ADNP: variants seen among roughly 807,000 people sequenced by gnomAD.
ADNP encodes activity-dependent neuroprotector homeobox protein.
A neutral mutation model predicts 84.9 loss-of-function variants in ADNP; 4 were observed. The ratio of observed to expected loss-of-function variants is 0.05; its 90% confidence interval spans 0.02 to 0.11. The LOEUF is 0.11. ADNP is among the 10% of genes least tolerant of loss of function. The pLI is 1.00. For synonymous variants in ADNP, 554 were observed against 468.1 expected, an observed-to-expected ratio of 1.18 and a Z score of -2.37; for missense variants, 1,132 against 1,326.0, an observed-to-expected ratio of 0.85 and a Z score of 2.27.
chr20:50,914,131 G>C (rs1484482250), intron 2 of ADNP: 1 of 768,584 alleles, frequency 1.3e-6, no homozygotes, highest in Non-Finnish European at 2.3e-6. Flanking sequence ...AGATGGTAAG[G>C]ATCATTATGA....
At chr20:50,911,192 T>C (rs1456199482) in intron 2 of ADNP, among the ~76,000 whole-genome samples, 2 of 152,240 alleles carry the variant, frequency 1.3e-5, no homozygotes, top group Non-Finnish European at 2.9e-5. Context: ...GCATGATATT[T>C]GTATCTGTGC....
intron 2 of ADNP, among the ~76,000 whole-genome samples, chr20:50,919,287 A>ACATATATATATATAT (rs776823194): frequency 0.013 from 1,620 of 127,818 alleles, 74 homozygotes; most frequent in African/African-American, 0.039. Flanking sequence ...ACATATATTT[A>ACATATATATATATAT]AGTGTATATA....
At chr20:50,913,764 T>C in intron 2 of ADNP, 3 of 435,752 alleles carry the variant, frequency 6.9e-6, no homozygotes, top group Admixed American at 5.5e-5. Context: ...GGTCTGCAAC[T>C]TGGCCTACAG....
intron 2 of ADNP, among the ~76,000 whole-genome samples, chr20:50,906,974 T>G (rs948624630): frequency 4.1e-5 from 4 of 96,670 alleles, no homozygotes; most frequent in Admixed American, 1.3e-4. Context: ...TTTTTTTTTT[T>G]TGTTTTTTTT....
chr20:50,902,145 T>C lies in ADNP; in HGVS notation c.109-36A>G, dbSNP rs1429184317. The C allele has an allele frequency of 4.1e-6, 6 of 1,475,762 alleles. No homozygotes were observed. In the Admixed American group the frequency reaches 5.1e-5, roughly 12 times the overall value. 91.4% of individuals were successfully genotyped at this position (1,475,762 alleles called of 1,614,324 possible). ...GTGAAATAAGTTTACAAAAACATAGTGGTATAAACGCTAACCCAATCTTAC... is the reference window on the plus strand; with the variant it reads ...GTGAAATAAGTTTACAAAAACATAGCGGTATAAACGCTAACCCAATCTTAC... On this transcript the variant is annotated intron_variant, in intron 4 of 5. Coordinates refer to ENST00000621696, the MANE Select transcript of ADNP (RefSeq NM_001282531.3).
chr20:50,896,778 G>A (rs1277047536), intron 5 of ADNP, among the ~76,000 whole-genome samples: 1 of 151,954 alleles, frequency 6.6e-6, no homozygotes, highest in African/African-American at 2.4e-5. Flanking sequence ...AGAAGGACCT[G>A]CCTTAGGCTT....
chr20:50,897,588 A>C (rs745520500), intron 5 of ADNP, among the ~76,000 whole-genome samples: 2 of 152,216 alleles, frequency 1.3e-5, no homozygotes, highest in Non-Finnish European at 2.9e-5. Flanking sequence ...AAGCCCAAGC[A>C]AGATTCTTAA....
Position 50,891,748 on chromosome 20 carries a change from C to A in ADNP, c.2966G>T (p.Cys989Phe). The A allele has an allele frequency of 6.2e-7, 1 of 1,614,200 alleles. No homozygotes were observed. Among genetic ancestry groups the A allele is most frequent in the Non-Finnish European group, 8.5e-7 (1 of 1,180,038 alleles). The change falls in exon 6 of 6, where the codon TGC becomes TTC. Residue 989 changes from cysteine to phenylalanine, a missense_variant. Coordinates refer to ENST00000621696, the MANE Select transcript of ADNP (RefSeq NM_001282531.3). ...QQVSDFEDNTCEMKPGTWSDE... is the reference protein window; with the variant it reads ...QQVSDFEDNTFEMKPGTWSDE... ...AGACCAGGTTCCTGGTTTCATTTCG[C>A]AGGTATTGTCCTCAAAGTCTGACAC...
rs1555808740 is a variant in ADNP at position 50,889,708 on chromosome 20, A to ATTGTT, written c.*1692_*1696dup. The ATTGTT allele has an allele frequency of 2.5e-6, 1 of 392,628 alleles. No homozygotes were observed. The highest frequency in any genetic ancestry group is 4.5e-6 in the Non-Finnish European group (1 of 223,076). 24.3% of individuals were successfully genotyped at this position (392,628 alleles called of 1,614,324 possible). On this transcript the variant is annotated 3_prime_UTR_variant, in exon 6 of 6. Transcript: ENST00000621696. ...TCCTCATGGATTGGAGTTTCCCATC[A>ATTGTT]TTGTTTTAATTGCTGGAAATGTTGG...
intron 2 of ADNP, among the ~76,000 whole-genome samples, chr20:50,915,888 A>G (rs954163249): frequency 6.6e-6 from 1 of 151,776 alleles, no homozygotes; most frequent in African/African-American, 2.4e-5. Context: ...TGAATAATGA[A>G]CATCAATTAT....
intron 1 of ADNP, among the ~76,000 whole-genome samples, chr20:50,930,460 C>A (rs1211695786): frequency 1.8e-5 from 1 of 56,030 alleles, no homozygotes; most frequent in Non-Finnish European, 3.5e-5. Context: ...GGGTGGGGGG[C>A]GGACGGGATT....
chr20:50,912,500 T>C (rs1983131937), intron 2 of ADNP, among the ~76,000 whole-genome samples: 1 of 152,164 alleles, frequency 6.6e-6, no homozygotes, highest in Non-Finnish European at 1.5e-5. Flanking sequence ...AAAGGAATCT[T>C]AGGTGAAATA....
At chr20:50,920,035 T>C (rs1983838246) in intron 2 of ADNP, among the ~76,000 whole-genome samples, 1 of 151,922 alleles carries the variant, frequency 6.6e-6, no homozygotes, top group Non-Finnish European at 1.5e-5. Flanking sequence ...TCCCAGCACT[T>C]TGGGAGGCCA....
rs1359779030 is a variant in ADNP at position 50,919,289 on chromosome 20, G to GTATATATATATATA, written c.-90+9361_-90+9362insTATATATATATATA. Among the ~76,000 whole-genome samples, 154 of 64,644 alleles carry GTATATATATATATA rather than the reference G, an allele frequency of 2.4e-3. 2 individuals are homozygous for GTATATATATATATA. The highest frequency in any genetic ancestry group is 8.2e-3 in the African/African-American group (148 of 18,110). 42.4% of individuals were successfully genotyped at this position (64,644 alleles called of 152,430 possible). On this transcript the variant is annotated intron_variant, in intron 2 of 5. Transcript: ENST00000621696. ...AGCCTGAAAAAATACATATATTTAA[G>GTATATATATATATA]TGTATATATATATATATATATATAT...
Position 50,892,516 on chromosome 20 carries a change from T to C in ADNP, c.2198A>G (p.Asp733Gly). Residue 733 changes from aspartate (D) to glycine (G), a missense_variant, in exon 6 of 6, where the codon GAT becomes GGT. Transcript: ENST00000621696. ...EFPLLKKRKL[D>G]DDSDSPSFFE... ...GAAGCTGGGTGAATCACTATCATCA[T>C]CTAACTTTCGTTTTTTCAGTAAGGG... 3 of 1,614,234 alleles carry C rather than the reference T, an allele frequency of 1.9e-6. No individual in the cohort carries two copies. Among genetic ancestry groups the C allele is most frequent in the Non-Finnish European group, 2.5e-6 (3 of 1,180,040 alleles).
chr20:50,923,470 C>T (rs1336818201), intron 2 of ADNP, among the ~76,000 whole-genome samples: 1 of 152,174 alleles, frequency 6.6e-6, no homozygotes, highest in Non-Finnish European at 1.5e-5. Flanking sequence ...CAAGTTTTCA[C>T]ACTTTCCTCA....
chr20:50,896,240 C>A (rs1052051600), intron 5 of ADNP, among the ~76,000 whole-genome samples: 1 of 151,878 alleles, frequency 6.6e-6, no homozygotes, highest in Admixed American at 6.6e-5. Context: ...CAAACAAAAA[C>A]CCCCAAAACA....
chr20:50,927,352 AGAG>A (rs1194166433), intron 2 of ADNP, among the ~76,000 whole-genome samples: 11 of 152,212 alleles, frequency 7.2e-5, no homozygotes, highest in African/African-American at 2.7e-4. Flanking sequence ...CCAAAATCAA[AGAG>A]GTTAGTTTCA....
At chr20:50,921,045 A>G (rs1210176831) in intron 2 of ADNP, among the ~76,000 whole-genome samples, 1 of 152,220 alleles carries the variant, frequency 6.6e-6, no homozygotes, top group Non-Finnish European at 1.5e-5. Context: ...TTCTTATGGC[A>G]TAAGCAGAAG....
Sources: allele counts gnomAD v4.1 joint callset (sites outside exome capture counted in the v4.1 genomes callset), GRCh38; gene constraint gnomAD v4.1.1; transcripts MANE v1.5; gene names NCBI Gene and HGNC (gene_info 2026-07-23, HGNC 2026-07-21).